The following CXXC1 variants were observed in gnomAD, a reference collection of about 807,000 sequenced individuals.
CXXC1 encodes CXXC-type zinc finger protein 1.
In CXXC1, 21 loss-of-function variants were observed where a neutral mutation model predicts 83.6. The ratio of observed to expected loss-of-function variants is 0.25; its 90% CI spans 0.18 to 0.36. The LOEUF (loss-of-function observed/expected upper bound fraction) is 0.36. CXXC1 is among the 10% of genes least tolerant of loss of function. CXXC1 has a pLI of 1.00. For synonymous variants in CXXC1, 371 were observed against 337.5 expected (o/e 1.10, Z -1.09); for missense variants, 688 against 919.5 (o/e 0.75, Z 3.26).
rs774083896 is a variant in CXXC1, at chr18:50,284,375, C to T, written c.1205+3G>A. Reference sequence around the variant, plus strand: ...TCCCTTGAACCTCTCAGGAATGACTCACTTGGCTGCCAGCTTCATGCCACA... The same window carrying T: ...TCCCTTGAACCTCTCAGGAATGACTTACTTGGCTGCCAGCTTCATGCCACA... On this transcript the variant is annotated splice_donor_region_variant and intron_variant, in intron 9 of 14. Coordinates refer to ENST00000285106, the MANE Select transcript of CXXC1 (RefSeq NM_014593.4). 3 of 1,536,166 alleles carry T rather than the reference C, an allele frequency of 2.0e-6. No homozygotes were observed. The highest frequency in any genetic ancestry group is 2.6e-6 in the Non-Finnish European group (3 of 1,145,066).
chr18:50,284,669 AC>A, intron 8 of CXXC1, 62 bp downstream of exon 8: 3 of 1,608,730 alleles, frequency 1.9e-6, no homozygotes, highest in Non-Finnish European at 2.5e-6. Flanking sequence ...TCAGCCTCTG[AC>A]CTCTGCCTCT....
In CXXC1 at chr18:50,282,493, G is replaced by A; in HGVS notation, c.*100C>T. On this transcript the variant is annotated 3_prime_UTR_variant, in exon 15 of 15. Transcript: ENST00000285106. The surrounding 1 kb of genome is among the most constrained non-coding windows in gnomAD (Gnocchi z 5.8). ...GGCGGTCAACCGGTGGATGGGCACAGGGAGAACCGGAGAAACAGATGAGTG... is the reference window on the plus strand; with the variant it reads ...GGCGGTCAACCGGTGGATGGGCACAAGGAGAACCGGAGAAACAGATGAGTG... The A allele has an allele frequency of 1.4e-6, 2 of 1,463,678 alleles. No individual in the cohort carries two copies. Among genetic ancestry groups the A allele is most frequent in the Non-Finnish European group, 1.9e-6 (2 of 1,068,938 alleles). The allele number at this position is 1,463,678 out of a possible 1,614,324, so 90.7% of individuals were successfully genotyped here.
Position 50,286,536 on chromosome 18 carries a change from C to T in CXXC1, c.223+3G>A. On this transcript the variant is annotated splice_donor_region_variant and intron_variant, in intron 3 of 14. Coordinates refer to ENST00000285106, the MANE Select transcript of CXXC1 (RefSeq NM_014593.4). ...GCCTTCCCTGTCCATCCATGGCCCT[C>T]ACCTCTGCACTCCCGACAGTACCAC... The T allele has an allele frequency of 6.2e-7, 1 of 1,613,400 alleles. No homozygotes were observed. The highest frequency in any genetic ancestry group is 8.5e-7 in the Non-Finnish European group (1 of 1,179,364).
In CXXC1 at chr18:50,285,297, C is replaced by T. The variant is rs184517071; in HGVS notation, c.666+28G>A. The T allele has an allele frequency of 4.3e-6, 7 of 1,609,804 alleles. No individual in the cohort carries two copies. Among genetic ancestry groups the T allele is most frequent in the Admixed American group, 3.3e-5 (2 of 59,788 alleles). ...GCCCTGACCGCCCTGCCCGCATGCCCCACCCCACCCTGGGGGGCTGGACTC... is the reference window on the plus strand; with the variant it reads ...GCCCTGACCGCCCTGCCCGCATGCCTCACCCCACCCTGGGGGGCTGGACTC... On this transcript the variant is annotated intron_variant, in intron 6 of 14. Transcript: ENST00000285106. This position sits in a 1 kb window ranked among gnomAD's most constrained non-coding sequence, Gnocchi z 4.4.
chr18:50,286,950 C>T, intron 1 of CXXC1, 92 bp from the exon 2 acceptor site: 1 of 899,168 alleles, frequency 1.1e-6, no homozygotes, highest in Non-Finnish European at 1.8e-6. Flanking sequence ...GCAGGGATCC[C>T]CACTCTGCCT....
intron 1 of CXXC1, chr18:50,287,321 C>CT: frequency 3.6e-6 from 2 of 559,508 alleles, no homozygotes; most frequent in Non-Finnish European, 6.4e-6. Context: ...TTACAACCCG[C>CT]TTATCCCTCT....
rs1164190562 is a variant in CXXC1, at chr18:50,285,334, G to A, written c.657C>T (p.Phe219=). 4.0e-5 allele frequency: 64 copies of A among 1,601,572 alleles called. No homozygotes were observed. Among genetic ancestry groups the A allele is most frequent in the Non-Finnish European group, 5.3e-5 (62 of 1,173,026 alleles). ...QLRARESYKY[F]PSSLSPVTPS... ...GGGGGGCTGGACTCACCGAGGAAGGGAAGTACTTGTACGATTCCTGTGCCG... is the reference window on the plus strand; with the variant it reads ...GGGGGGCTGGACTCACCGAGGAAGGAAAGTACTTGTACGATTCCTGTGCCG... Residue 219 remains phenylalanine (F), a synonymous_variant, in exon 6 of 15, where the codon TTC becomes TTT. Transcript: ENST00000285106. The surrounding 1 kb of genome is among the most constrained non-coding windows in gnomAD (Gnocchi z 4.4).
Position 50,286,547 on chromosome 18 carries a change from T to G in CXXC1, c.215A>C (p.Glu72Ala). 1 of 1,613,648 alleles carries G rather than the reference T, an allele frequency of 6.2e-7. No homozygotes were observed. The highest frequency in any genetic ancestry group is 1.3e-5 in the African/African-American group (1 of 74,922). Reference sequence around the variant, plus strand: ...CCATCCATGGCCCTCACCTCTGCACTCCCGACAGTACCACTCCCGGATGGC... The same window carrying G: ...CCATCCATGGCCCTCACCTCTGCACGCCCGACAGTACCACTCCCGGATGGC... Reference protein sequence around the residue: ...AKAIREWYCRECREKDPKLEI... With the variant: ...AKAIREWYCRACREKDPKLEI... The change falls in exon 3 of 15, where the codon GAG becomes GCG. Residue 72 changes from glutamate (E) to alanine (A), a missense_variant. Coordinates refer to ENST00000285106, the MANE Select transcript of CXXC1 (RefSeq NM_014593.4).
rs1479876403 is a variant in CXXC1, at chr18:50,282,540, C to G, written c.*53G>C. ...AGTGGAGGAACGGACACACGGGCAC[C>G]GGGCGGCTCCCCCATCTGGAATGCA... On this transcript the variant is annotated 3_prime_UTR_variant, in exon 15 of 15. Coordinates refer to ENST00000285106, the MANE Select transcript of CXXC1 (RefSeq NM_014593.4). The surrounding 1 kb of genome is among the most constrained non-coding windows in gnomAD (Gnocchi z 5.8). The G allele has an allele frequency of 6.3e-7, 1 of 1,592,100 alleles. No individual in the cohort carries two copies. The highest frequency in any genetic ancestry group is 8.5e-7 in the Non-Finnish European group (1 of 1,174,520).
At chr18:50,286,312 C>T in intron 3 of CXXC1, 55 bp from the exon 4 acceptor site, 5 of 1,469,918 alleles carry the variant, frequency 3.4e-6, no homozygotes, top group Non-Finnish European at 4.6e-6. Flanking sequence ...CTTGAATGGT[C>T]CCAAAACCTC....
chr18:50,287,310 C>T lies in CXXC1; in HGVS notation c.3+277G>A. ...CACTACAGACCACTCAATGTGACTC[C>T]TTACAACCCGCTTATCCCTCTGCCC... On this transcript the variant is annotated intron_variant, in intron 1 of 14. Coordinates refer to ENST00000285106, the MANE Select transcript of CXXC1 (RefSeq NM_014593.4). 3 of 552,378 alleles carry T rather than the reference C, an allele frequency of 5.4e-6. No homozygotes were observed. The South Asian group carries it at 6.7e-5, about 12-fold the overall frequency. 34.2% of individuals were successfully genotyped at this position (552,378 alleles called of 1,614,324 possible).
intron 11 of CXXC1, 24 bp from the exon 12 acceptor site, chr18:50,283,588 G>T: frequency 6.2e-7 from 1 of 1,613,806 alleles, no homozygotes; most frequent in South Asian, 1.1e-5. Context: ...CACAAATGGA[G>T]GGAACTGTGG....
chr18:50,282,948 C>T lies in CXXC1; in HGVS notation c.1730G>A (p.Gly577Asp), dbSNP rs2040574223. 1 of 1,614,184 alleles carries T rather than the reference C, an allele frequency of 6.2e-7. No individual in the cohort carries two copies. The highest frequency in any genetic ancestry group is 8.5e-7 in the Non-Finnish European group (1 of 1,180,038). Reference sequence around the variant, plus strand: ...GCGCTTGGGCAGGCGGCAGAAGTCACCCGTGAGCTCAAAGACATCACGTAC... The same window carrying T: ...GCGCTTGGGCAGGCGGCAGAAGTCATCCGTGAGCTCAAAGACATCACGTAC... ...PLVRDVFELTGDFCRLPKRQC... is the reference protein window; with the variant it reads ...PLVRDVFELTDDFCRLPKRQC... The change falls in exon 14 of 15, where the codon GGT (glycine) becomes GAT (aspartate). Residue 577 changes from glycine to aspartate, a missense_variant. Physicochemically the swap from Gly to Asp is moderately conservative, Grantham distance 94. Around this residue, in one of 9 missense-constraint regions of CXXC1, gnomAD observed 114 missense variants for 173.3 expected, o/e 0.66. Coordinates refer to ENST00000285106, the MANE Select transcript of CXXC1 (RefSeq NM_014593.4). The surrounding 1 kb of genome is among the most constrained non-coding windows in gnomAD (Gnocchi z 5.8).
chr18:50,286,934 T>C (rs979678413), intron 1 of CXXC1, 76 bp from the exon 2 acceptor site: 65 of 1,043,296 alleles, frequency 6.2e-5, no homozygotes, highest in Admixed American at 5.8e-4. Context: ...AACTCCACCG[T>C]GGTCAGCAGG....
Position 50,287,617 on chromosome 18 carries a change from G to A in CXXC1, c.-28C>T. 2 of 1,609,682 alleles carry A rather than the reference G, an allele frequency of 1.2e-6. No homozygotes were observed. The highest frequency in any genetic ancestry group is 1.7e-6 in the Non-Finnish European group (2 of 1,179,688). On this transcript the variant is annotated 5_prime_UTR_variant, in exon 1 of 15. Transcript: ENST00000285106. ...CTCCGCTCCCGGCGCACTCCCTCAC[G>A]ACCCCCGCCAGCGACCCGCGAACCT...
At chr18:50,283,096 G>A in intron 13 of CXXC1, 90 bp from the exon 14 acceptor site, 1 of 1,468,560 alleles carries the variant, frequency 6.8e-7, no homozygotes, top group South Asian at 1.2e-5. Context: ...AAGAATGGAG[G>A]GTTCAGGGAA....
chr18:50,282,662 G>T lies in CXXC1; in HGVS notation c.1902C>A (p.Ala634=), dbSNP rs770657313. 6.2e-7 allele frequency: 1 copy of T among 1,613,208 alleles called. No homozygotes were observed. The highest frequency in any genetic ancestry group is 8.5e-7 in the Non-Finnish European group (1 of 1,180,028). Residue 634 remains alanine (A), a synonymous_variant, in exon 15 of 15, where the codon GCC becomes GCA. Transcript: ENST00000285106. The surrounding 1 kb of genome is among the most constrained non-coding windows in gnomAD (Gnocchi z 5.8). ...TAMTNRAGLL[A]LMLHQTIQHD... is the part of the protein sequence containing the mutation. ...GCTGGATCGTCTGGTGCAGCATCAGGGCCAGCAATCCCGCGCGGTTTGTCA... is the reference window on the plus strand; with the variant it reads ...GCTGGATCGTCTGGTGCAGCATCAGTGCCAGCAATCCCGCGCGGTTTGTCA...
rs964805576 is a variant in CXXC1, at chr18:50,284,681, C to T, written c.1020+51G>A. On this transcript the variant is annotated intron_variant, in intron 8 of 14. Coordinates refer to ENST00000285106, the MANE Select transcript of CXXC1 (RefSeq NM_014593.4). ...CATTCAGCCTCTGACCTCTGCCTCT[C>T]CCTCAACCCCACCCTCTGCCTTTCC... The T allele has an allele frequency of 3.1e-6, 5 of 1,609,470 alleles. No individual in the cohort carries two copies. The African/African-American group carries it at 4.0e-5, about 13-fold the overall frequency.
intron 1 of CXXC1, chr18:50,287,108 G>A (rs2040727047): frequency 3.6e-6 from 2 of 548,028 alleles, no homozygotes; most frequent in South Asian, 2.3e-5. Context: ...CTCGCTAATG[G>A]GTCATGGCGA....
Sources: gnomAD v4.1 joint callset for allele counts on GRCh38, gnomAD v4.1.1 for gene constraint, gnomAD v4.1.1 regional missense constraint, Gnocchi (gnomAD v3.1) non-coding constraint, MANE v1.5 for transcripts, NCBI Gene and HGNC (gene_info 2026-07-23, HGNC 2026-07-21) for gene names.